The following TRPM5 variants were observed in gnomAD, a reference collection of about 807,000 sequenced individuals.
The protein encoded by TRPM5 is transient receptor potential cation channel subfamily M member 5.
A neutral mutation model predicts 124.9 loss-of-function variants in TRPM5; 121 were observed. The observed-to-expected ratio is 0.97, with a 90% confidence interval of 0.84 to 1.13. The LOEUF (loss-of-function observed/expected upper bound fraction) is 1.13. Among genes scored for constraint, TRPM5 ranks in the 50% most tolerant of loss-of-function variants. TRPM5 has a pLI of 0.00. For synonymous variants in TRPM5, 781 were observed against 700.5 expected (o/e 1.11, Z -1.81); for missense variants, 1,643 against 1,589.1 (o/e 1.03, Z -0.58).
intron 18 of TRPM5, among the ~76,000 whole-genome samples, chr11:2,409,933 G>A (rs942071711): frequency 6.6e-6 from 1 of 152,208 alleles, no homozygotes; most frequent in African/African-American, 2.4e-5. Context: ...GGCCAGGCCT[G>A]TCTCCTCATA....
At chr11:2,431,817 C>T in the TRPM5 span, among the ~76,000 whole-genome samples, 7 of 152,202 alleles carry the variant, frequency 4.6e-5, no homozygotes, top group Non-Finnish European at 8.8e-5. Context: ...TGTTAGTTTT[C>T]AGTATGCCTC....
In TRPM5 at chr11:2,409,402, C is replaced by T. The variant is rs568169018; in HGVS notation, c.2783-1490G>A. 3.0e-4 allele frequency among the ~76,000 whole-genome samples: 45 copies of T among 152,282 alleles called. No homozygotes were observed. The South Asian group carries it at 3.9e-3, about 13-fold the overall frequency. On this transcript the variant is annotated intron_variant, in intron 18 of 23. Coordinates refer to ENST00000155858, the Ensembl canonical transcript of TRPM5. ...AGGAATGAGACCCCCACACCCTCCCCGACTCTGTGATTTGGGAAGGCGCCA... is the reference window on the plus strand; with the variant it reads ...AGGAATGAGACCCCCACACCCTCCCTGACTCTGTGATTTGGGAAGGCGCCA...
the TRPM5 span, among the ~76,000 whole-genome samples, chr11:2,429,385 G>A: frequency 8.6e-5 from 13 of 151,302 alleles, no homozygotes; most frequent in African/African-American, 3.2e-4. The surrounding 1 kb of genome is among the most constrained non-coding windows in gnomAD (Gnocchi z 8.4). Flanking sequence ...TCGTGGTTGT[G>A]GTGTGTTGAT....
exon 10 of TRPM5, chr11:2,415,003 C>T (rs138817572): frequency 7.2e-5 from 116 of 1,605,360 alleles, no homozygotes; most frequent in Non-Finnish European, 9.4e-5. Flanking sequence ...GGTTCAGGTC[C>T]AGCAGCCACT....
chr11:2,410,765 CCACA>C, intron 18 of TRPM5: 1 of 435,824 alleles, frequency 2.3e-6, no homozygotes, highest in South Asian at 1.6e-5. Flanking sequence ...CATGGGCAGG[CCACA>C]CACACACATT....
intron 18 of TRPM5, among the ~76,000 whole-genome samples, chr11:2,408,854 T>G (rs995818165): frequency 2.6e-5 from 4 of 152,234 alleles, no homozygotes; most frequent in Admixed American, 2.0e-4. Context: ...CTCCCCAGCC[T>G]GCACGCTGGC....
chr11:2,415,956 G>A (rs141384348), exon 8 of TRPM5: 394 of 1,581,852 alleles, frequency 2.5e-4, no homozygotes, highest in Non-Finnish European at 3.0e-4. Context: ...ATGTCCACGC[G>A]GTCCCAGGCC....
At chr11:2,428,319 G>C in the TRPM5 span, among the ~76,000 whole-genome samples, 9 of 152,318 alleles carry the variant, frequency 5.9e-5, no homozygotes, top group East Asian at 1.7e-3. The surrounding 1 kb of genome is among the most constrained non-coding windows in gnomAD (Gnocchi z 4.0). Flanking sequence ...GAATGGTGGG[G>C]GACAGTATCT....
At chr11:2,440,949 C>T in the TRPM5 span, among the ~76,000 whole-genome samples, 1 of 152,210 alleles carries the variant, frequency 6.6e-6, no homozygotes, top group Non-Finnish European at 1.5e-5. This position sits in a 1 kb window ranked among gnomAD's most constrained non-coding sequence, Gnocchi z 5.2. Context: ...TCTGAGGCTC[C>T]TCCCACTGTG....
chr11:2,442,260 A>G, the TRPM5 span, among the ~76,000 whole-genome samples: 1 of 152,146 alleles, frequency 6.6e-6, no homozygotes, highest in Non-Finnish European at 1.5e-5. This position sits in a 1 kb window ranked among gnomAD's most constrained non-coding sequence, Gnocchi z 5.9. Context: ...TGAGGAGTCT[A>G]TGCTAATATA....
intron 6 of TRPM5, 118 bp from the exon 12 acceptor site, chr11:2,417,947 C>T: frequency 9.1e-7 from 1 of 1,097,660 alleles, no homozygotes; most frequent in South Asian, 1.5e-5. Flanking sequence ...TTGCAGCCTG[C>T]ATGCCCACCG....
chr11:2,408,934 G>C (rs1368307634), intron 18 of TRPM5, among the ~76,000 whole-genome samples: 2 of 152,246 alleles, frequency 1.3e-5, no homozygotes, highest in African/African-American at 4.8e-5. Flanking sequence ...GAGTCTGCGT[G>C]TGAGCACACT....
chr11:2,422,091 CG>C (rs1277482062), intron 2 of TRPM5, 49 bp downstream of exon 7: 6 of 1,512,534 alleles, frequency 4.0e-6, no homozygotes, highest in South Asian at 1.3e-5. Context: ...GTCAGGGGGT[CG>C]GGCTGCCCTG....
the TRPM5 span, among the ~76,000 whole-genome samples, chr11:2,441,098 G>A: frequency 5.9e-5 from 9 of 152,346 alleles, no homozygotes; most frequent in East Asian, 1.5e-3. The surrounding 1 kb of genome is among the most constrained non-coding windows in gnomAD (Gnocchi z 7.2). Flanking sequence ...CAGCCTGAGA[G>A]CCTGAGAGGC....
intron 7 of TRPM5, 148 bp from the exon 13 acceptor site, chr11:2,416,172 G>C (rs1845672770): frequency 1.7e-6 from 1 of 605,964 alleles, no homozygotes; most frequent in Non-Finnish European, 2.9e-6. Flanking sequence ...CCACCTCTGA[G>C]CACCAGCAGG....
exon 18 of TRPM5, chr11:2,411,358 T>A (rs1850447266): frequency 6.3e-7 from 1 of 1,598,620 alleles, no homozygotes; most frequent in Non-Finnish European, 8.5e-7. Flanking sequence ...AAACCATCAA[T>A]CTCGTCCAGT....
intron 23 of TRPM5, among the ~76,000 whole-genome samples, chr11:2,405,263 T>A (rs1019166695): frequency 1.3e-5 from 2 of 152,248 alleles, no homozygotes; most frequent in African/African-American, 4.8e-5. Flanking sequence ...GGGGCCCGTT[T>A]GCTTGCTGAG....
At chr11:2,412,446 T>C (rs931279074) in intron 15 of TRPM5, among the ~76,000 whole-genome samples, 193 bp from the exon 21 acceptor site, 5 of 151,938 alleles carry the variant, frequency 3.3e-5, no homozygotes, top group African/African-American at 1.2e-4. Context: ...CAGTCTCCAC[T>C]TGGGGCCAGG....
chr11:2,420,028 A>G (rs549722839), intron 4 of TRPM5, among the ~76,000 whole-genome samples, 194 bp downstream of exon 9: 1 of 151,768 alleles, frequency 6.6e-6, no homozygotes, highest in Admixed American at 6.6e-5. Flanking sequence ...CACTCTGCCC[A>G]GACAGCTCCT....
Sources: allele counts gnomAD v4.1 joint callset (sites outside exome capture counted in the v4.1 genomes callset), GRCh38; gene constraint gnomAD v4.1.1; non-coding constraint Gnocchi (gnomAD v3.1); transcripts MANE v1.5; gene names NCBI Gene and HGNC (gene_info 2026-07-23, HGNC 2026-07-21).